KCNIP1: variants seen among roughly 807,000 people sequenced by gnomAD.
KCNIP1 encodes the protein potassium voltage-gated channel interacting protein 1.
In KCNIP1, 18 loss-of-function variants were observed where a neutral mutation model predicts 33.0. The observed-to-expected ratio is 0.55, with a 90% confidence interval of 0.38 to 0.81. The LOEUF (loss-of-function observed/expected upper bound fraction) is 0.81, where lower values mean the gene tolerates loss of function less well. Ranked by LOEUF, KCNIP1 falls within the 30% of genes least tolerant of loss-of-function variation. The probability of loss-of-function intolerance (pLI) is 0.00; values close to 1 mark genes in which losing one functional copy is unlikely to be tolerated. For missense variants in KCNIP1, 238 were observed against 271.6 expected (o/e 0.88, Z 0.87); for synonymous variants, 93 against 98.3 (o/e 0.95, Z 0.32).
rs1250631105 is a variant in KCNIP1 at position 170,595,905 on chromosome 5, A to C, written c.61+91272A>C. 3.3e-5 allele frequency among the ~76,000 whole-genome samples: 5 copies of C among 152,114 alleles called. No individual in the cohort carries two copies. The East Asian group carries it at 9.7e-4, about 29-fold the overall frequency. ...TGTTTGACATGCAAGACGCTCTGCT[A>C]ACCTTAATGAAGGTGTGCATGTGAG... On this transcript the variant is annotated intron_variant, in intron 1 of 7. Coordinates refer to ENST00000328939, the MANE Select transcript of KCNIP1 (RefSeq NM_014592.4).
At chr5:170,465,367 C>T (rs551367217) in intron 1 of KCNIP1, among the ~76,000 whole-genome samples, 1 of 152,312 alleles carries the variant, frequency 6.6e-6, no homozygotes, top group South Asian at 2.1e-4. Context: ...TCCCTTGCTT[C>T]CCTCTCACAC....
intron 1 of KCNIP1, among the ~76,000 whole-genome samples, chr5:170,657,317 G>A (rs1761311007): frequency 6.6e-6 from 1 of 152,110 alleles, no homozygotes; most frequent in Non-Finnish European, 1.5e-5. Flanking sequence ...TCTTTTGAAT[G>A]TGAGCGGAGG....
intron 1 of KCNIP1, among the ~76,000 whole-genome samples, chr5:170,381,895 G>A (rs1435526521): frequency 1.3e-5 from 2 of 152,190 alleles, no homozygotes; most frequent in Non-Finnish European, 2.9e-5. Context: ...CCTCCAGTGG[G>A]CCCTGAGACC....
rs75800306 is a variant in KCNIP1, at chr5:170,369,008, T to C, written c.88+15044T>C. 5.6e-3 allele frequency among the ~76,000 whole-genome samples: 847 copies of C among 152,300 alleles called. 6 individuals carry two copies. Among genetic ancestry groups the C allele is most frequent in the African/African-American group, 0.019 (797 of 41,558 alleles). Reference sequence around the variant, plus strand: ...AAATCCAAATATGATAAAATACTGATCATCATTGGTGAACCTAGATGAAGG... The same window carrying C: ...AAATCCAAATATGATAAAATACTGACCATCATTGGTGAACCTAGATGAAGG... On this transcript the variant is annotated intron_variant, in intron 1 of 7. Coordinates refer to the KCNIP1 transcript ENST00000377360.
rs113630806 is a variant in KCNIP1 at position 170,697,687 on chromosome 5, G to A, written c.62-21071G>A. ...AGCTCCTCGAGGATGCCACTGTGCC[G>A]TGAACTTCTTTCTGACCCTCATGGC... On this transcript the variant is annotated intron_variant, in intron 1 of 7. Coordinates refer to ENST00000328939, the MANE Select transcript of KCNIP1 (RefSeq NM_014592.4). Among the ~76,000 whole-genome samples the A allele has an allele frequency of 3.5e-3, 539 of 152,256 alleles. 2 individuals carry two copies. Among genetic ancestry groups the A allele is most frequent in the African/African-American group, 0.012 (492 of 41,548 alleles).
chr5:170,617,503 C>CT (rs1759430097), intron 1 of KCNIP1, among the ~76,000 whole-genome samples: 1 of 152,120 alleles, frequency 6.6e-6, no homozygotes. Flanking sequence ...TGATCTTAAG[C>CT]CACCAGCCTT....
At chr5:170,498,671 T>C (rs1315560661) in intron 1 of KCNIP1, among the ~76,000 whole-genome samples, 1 of 152,220 alleles carries the variant, frequency 6.6e-6, no homozygotes, top group African/African-American at 2.4e-5. Context: ...GGCAGGTAGA[T>C]GGTGCTTAAT....
chr5:170,382,114 G>C (rs703504), intron 1 of KCNIP1, among the ~76,000 whole-genome samples: 70,214 of 152,014 alleles, frequency 0.46, 17,122 homozygotes, highest in African/African-American at 0.62. Context: ...CATCTTGGTC[G>C]TGAGTGCTTG....
At chr5:170,474,925 T>C (rs1756820297) in intron 1 of KCNIP1, among the ~76,000 whole-genome samples, 1 of 152,236 alleles carries the variant, frequency 6.6e-6, no homozygotes, top group Admixed American at 6.5e-5. Context: ...TTGCCGCCGC[T>C]GGTCAGGGTA....
intron 1 of KCNIP1, among the ~76,000 whole-genome samples, chr5:170,627,071 GC>G (rs1759859520): frequency 6.6e-6 from 1 of 152,128 alleles, no homozygotes; most frequent in South Asian, 2.1e-4. Context: ...TTTCCTGGGG[GC>G]CAGTGGGGGC....
At chr5:170,672,402 C>G (rs1761960631) in intron 1 of KCNIP1, among the ~76,000 whole-genome samples, 1 of 152,244 alleles carries the variant, frequency 6.6e-6, no homozygotes, top group African/African-American at 2.4e-5. Flanking sequence ...GACTTCCTCC[C>G]CTGGAGAAAC....
intron 1 of KCNIP1, among the ~76,000 whole-genome samples, chr5:170,650,025 T>C (rs1211629222): frequency 6.6e-6 from 1 of 152,128 alleles, no homozygotes; most frequent in Non-Finnish European, 1.5e-5. Flanking sequence ...CTTTATAGCA[T>C]GAGTGGCTCC....
At chr5:170,394,502 A>G (rs1430742030) in intron 1 of KCNIP1, among the ~76,000 whole-genome samples, 2 of 152,234 alleles carry the variant, frequency 1.3e-5, no homozygotes, top group Non-Finnish European at 2.9e-5. Context: ...TTTTTTACAT[A>G]ACAGAATATT....
chr5:170,463,140 A>C (rs1269821957), intron 1 of KCNIP1, among the ~76,000 whole-genome samples: 3 of 152,160 alleles, frequency 2.0e-5, no homozygotes, highest in Non-Finnish European at 4.4e-5. Context: ...ATAAAAATAA[A>C]ATTTTAAAAC....
intron 1 of KCNIP1, among the ~76,000 whole-genome samples, chr5:170,660,986 G>A (rs551730455): frequency 6.6e-5 from 10 of 152,368 alleles, no homozygotes; most frequent in Admixed American, 1.3e-4. Flanking sequence ...GAAGGGTGAG[G>A]AAGGAGAATG....
intron 1 of KCNIP1, among the ~76,000 whole-genome samples, chr5:170,475,498 A>C (rs531729414): frequency 1.8e-4 from 28 of 152,356 alleles, no homozygotes; most frequent in South Asian, 8.3e-4. Context: ...GCTGTCCTGG[A>C]ACAAGACAGC....
chr5:170,642,020 T>G (rs1260502733), intron 1 of KCNIP1: 2 of 152,266 alleles, frequency 1.3e-5, no homozygotes, highest in African/African-American at 4.8e-5. Flanking sequence ...CATCAAGGTT[T>G]CAGCCAGCGG....
chr5:170,412,447 G>A (rs1348446309), intron 1 of KCNIP1, among the ~76,000 whole-genome samples: 1 of 152,160 alleles, frequency 6.6e-6, no homozygotes, highest in Non-Finnish European at 1.5e-5. Context: ...TGGGGAGATT[G>A]ATCTGGCCCT....
chr5:170,524,779 C>A (rs1472319792), intron 1 of KCNIP1, among the ~76,000 whole-genome samples: 4 of 152,094 alleles, frequency 2.6e-5, no homozygotes, highest in African/African-American at 9.7e-5. Context: ...TTACCCATGG[C>A]CACCCCAGGA....
Sources: allele counts gnomAD v4.1 joint callset (sites outside exome capture counted in the v4.1 genomes callset), GRCh38; gene constraint gnomAD v4.1.1; transcripts MANE v1.5; gene names NCBI Gene and HGNC (gene_info 2026-07-23, HGNC 2026-07-21).